HK1: variants seen among roughly 807,000 people sequenced by gnomAD.
The protein encoded by HK1 is hexokinase-1.
In HK1, 28 loss-of-function variants were observed where a neutral mutation model predicts 91.6. That is an observed-to-expected ratio of 0.31 (90% CI 0.23 to 0.42). The LOEUF (loss-of-function observed/expected upper bound fraction) is 0.42. Among genes scored for constraint, HK1 ranks in the 10% least tolerant of loss-of-function variants. HK1 has a pLI of 1.00. For synonymous variants in HK1, 430 were observed against 468.1 expected (o/e 0.92, Z 1.05); for missense variants, 770 against 1,219.8 (o/e 0.63, Z 5.49).
At chr10:69,312,544 GC>G (rs200874778), upstream of HK1, among the ~76,000 whole-genome samples, 6 of 151,110 alleles carry the variant, frequency 4.0e-5, no homozygotes, top group African/African-American at 1.2e-4. Flanking sequence ...TGGCCATATA[GC>G]CCTTTTTTTT....
chr10:69,395,044 ATC>A lies in HK1; in HGVS notation c.2318_2319del (p.Ser773Ter). On this transcript the variant is annotated frameshift_variant, in exon 16 of 18. Transcript: ENST00000359426. LOFTEE classifies it high-confidence loss of function. The part of the protein sequence containing the change: ...TKKGFLFRGQ[I>X]SETLKTRGIF... ...GAAGGGATTCCTCTTCCGAGGGCAG[ATC>A]TCTGAGACGCTGAAGACCCGGGGCA... is the stretch of plus-strand genomic sequence containing the variant. 1 of 1,613,982 alleles carries A rather than the reference ATC, an allele frequency of 6.2e-7. No homozygotes were observed. Among genetic ancestry groups the A allele is most frequent in the Non-Finnish European group, 8.5e-7 (1 of 1,179,986 alleles).
intron 2 of HK1, among the ~76,000 whole-genome samples, chr10:69,346,422 T>C (rs979758559): frequency 6.6e-6 from 1 of 152,226 alleles, no homozygotes; most frequent in Non-Finnish European, 1.5e-5. Flanking sequence ...TCAACTGACT[T>C]TCCAGAAGCA....
Position 69,276,118 on chromosome 10 carries a change from A to AAAAATATATATAT in HK1, c.-391+6011_-391+6012insAAATATATATATA. ...AAAAAAAAAAAAAAAAAAAAAAAAAAATACATATATATATATATATACACA... is the reference window on the plus strand; with the variant it reads ...AAAAAAAAAAAAAAAAAAAAAAAAAAAAAATATATATATATACATATATATATATATATACACA... On this transcript the variant is annotated intron_variant, in intron 1 of 21. Transcript: ENST00000360289. Among the ~76,000 whole-genome samples the AAAAATATATATAT allele has an allele frequency of 1.9e-3, 71 of 38,258 alleles. 13 individuals carry two copies. The highest frequency in any genetic ancestry group is 2.3e-3 in the Non-Finnish European group (45 of 19,634). 25.1% of individuals were successfully genotyped at this position (38,258 alleles called of 152,430 possible). A position where few individuals can be genotyped will look rare whatever the true frequency, so the allele number is the denominator to read the frequency against.
At chr10:69,277,243 T>C (rs1045497990) in intron 1 of HK1, among the ~76,000 whole-genome samples, 2 of 152,184 alleles carry the variant, frequency 1.3e-5, no homozygotes, top group African/African-American at 4.8e-5. Context: ...TCTTTTTGAG[T>C]AATCTGTTTT....
chr10:69,376,784 A>G (rs968668800), intron 7 of HK1, 150 bp from the exon 8 acceptor site: 20 of 966,690 alleles, frequency 2.1e-5, no homozygotes, highest in Non-Finnish European at 3.3e-5. Context: ...TCTGCTGTTC[A>G]GTCACTCAAG....
In HK1 at chr10:69,309,415, T is replaced by C. The variant is rs370154215; in HGVS notation, c.27+8554T>C. On this transcript the variant is annotated intron_variant, in intron 5 of 21. Transcript: ENST00000360289. ...CCAGGATGGTCTCGATCTCCTGACC[T>C]TGTGATCCGCCTGCCTCGGCCTCCT... Among the ~76,000 whole-genome samples, 14 of 143,036 alleles carry C rather than the reference T, an allele frequency of 9.8e-5. No homozygotes were observed. The East Asian group carries it at 1.8e-3, about 18-fold the overall frequency. The allele number at this position is 143,036 out of a possible 152,430, so 93.8% of individuals were successfully genotyped here.
intron 10 of HK1, 108 bp downstream of exon 10, chr10:69,382,899 G>C: frequency 9.8e-7 from 1 of 1,015,900 alleles, no homozygotes; most frequent in Admixed American, 2.0e-5. Flanking sequence ...GGTGATGCAC[G>C]ATTTTGCCAG....
intron 3 of HK1, chr10:69,295,505 A>G: frequency 2.8e-6 from 2 of 722,042 alleles, no homozygotes; most frequent in East Asian, 5.3e-5. Flanking sequence ...TTGCTTAGAC[A>G]TTCCAAGGTT....
intron 2 of HK1, among the ~76,000 whole-genome samples, chr10:69,358,863 CAAAAAAA>C (rs771610951): frequency 3.5e-4 from 28 of 80,454 alleles, no homozygotes; most frequent in Admixed American, 2.6e-3. Context: ...AGCTCTGTCT[CAAAAAAA>C]AAAAAAAAAA....
intron 1 of HK1, among the ~76,000 whole-genome samples, chr10:69,340,227 T>G (rs1026852361): frequency 6.6e-6 from 1 of 152,172 alleles, no homozygotes; most frequent in South Asian, 2.1e-4. Flanking sequence ...GGAGTAGCAA[T>G]GTACCTTTTT....
chr10:69,335,188 G>C, intron 1 of HK1, among the ~76,000 whole-genome samples: 1 of 152,194 alleles, frequency 6.6e-6, no homozygotes, highest in Non-Finnish European at 1.5e-5. Context: ...AGGTGGGGCT[G>C]GGCAGCCGCA....
chr10:69,319,959 G>C (rs1846911623), intron 1 of HK1, among the ~76,000 whole-genome samples: 1 of 152,190 alleles, frequency 6.6e-6, no homozygotes, highest in Non-Finnish European at 1.5e-5. Context: ...TGACGTTATT[G>C]CTGGGGTTAG....
chr10:69,354,242 T>C (rs1206501798), intron 2 of HK1, among the ~76,000 whole-genome samples: 1 of 151,598 alleles, frequency 6.6e-6, no homozygotes, highest in Admixed American at 6.6e-5. Flanking sequence ...CGTAACTGCT[T>C]TGTGCTTAAT....
At chr10:69,293,417 TGGA>T (rs942512971) in intron 3 of HK1, among the ~76,000 whole-genome samples, 1 of 152,216 alleles carries the variant, frequency 6.6e-6, no homozygotes, top group Admixed American at 6.5e-5. Context: ...TTGGAGATAC[TGGA>T]GGAGGAAGGA....
rs368658114 is a variant in HK1, at chr10:69,384,769, C to A, written c.1720-27C>A. 4.3e-6 allele frequency: 7 copies of A among 1,613,966 alleles called. No homozygotes were observed. In the African/African-American group the frequency reaches 9.3e-5, roughly 22 times the overall value. ...GATAAAATTAAAACCACAGAGAGCACGGGCGATCCTTTCTTTTCCCCTGCA... is the reference window on the plus strand; with the variant it reads ...GATAAAATTAAAACCACAGAGAGCAAGGGCGATCCTTTCTTTTCCCCTGCA... On this transcript the variant is annotated intron_variant, in intron 11 of 17. Coordinates refer to ENST00000359426, the MANE Select transcript of HK1 (RefSeq NM_000188.3).
chr10:69,386,458 T>G, intron 13 of HK1, 40 bp downstream of exon 13: 1 of 1,489,454 alleles, frequency 6.7e-7, no homozygotes, highest in South Asian at 1.2e-5. Context: ...CTTTACTGTT[T>G]TAGGGGCTTC....
chr10:69,271,790 G>A (rs1844183502), intron 1 of HK1, among the ~76,000 whole-genome samples: 1 of 152,008 alleles, frequency 6.6e-6, no homozygotes, highest in Admixed American at 6.6e-5. Flanking sequence ...CAATTTTGAA[G>A]TCCTGATGAG....
Position 69,395,046 on chromosome 10 carries a change from C to T in HK1, c.2316C>T (p.Ile772=). Residue 772 remains isoleucine (I), a synonymous_variant, in exon 16 of 18, where the codon ATC becomes ATT. Coordinates refer to ENST00000359426, the MANE Select transcript of HK1 (RefSeq NM_000188.3). The part of the protein sequence containing the change: ...TKKGFLFRGQ[I]SETLKTRGIF... ...AGGGATTCCTCTTCCGAGGGCAGAT[C>T]TCTGAGACGCTGAAGACCCGGGGCA... is the stretch of plus-strand genomic sequence containing the variant. 6.2e-7 allele frequency: 1 copy of T among 1,614,048 alleles called. No individual in the cohort carries two copies. Among genetic ancestry groups the T allele is most frequent in the Non-Finnish European group, 8.5e-7 (1 of 1,180,006 alleles).
At chr10:69,309,495 TAAAAAAAAA>T (rs1177161842) in intron 5 of HK1, among the ~76,000 whole-genome samples, 1 of 46,954 alleles carries the variant, frequency 2.1e-5, no homozygotes, top group South Asian at 8.6e-4. Context: ...TTTGTCTCAT[TAAAAAAAAA>T]AAAAAAAAAA....
Sources: gnomAD v4.1 joint callset for allele counts (sites outside exome capture counted in the v4.1 genomes callset) on GRCh38, gnomAD v4.1.1 for gene constraint, MANE v1.5 for transcripts, NCBI Gene and HGNC (gene_info 2026-07-23, HGNC 2026-07-21) for gene names.